Variants in IGF2BP2 observed in about 807,000 individuals in gnomAD.
IGF2BP2 encodes the protein insulin like growth factor 2 mRNA binding protein 2.
A neutral mutation model predicts 75.8 loss-of-function variants in IGF2BP2; 17 were observed. That is an observed-to-expected ratio of 0.22 (90% CI 0.15 to 0.34). The LOEUF (loss-of-function observed/expected upper bound fraction) is 0.34. Among genes scored for constraint, IGF2BP2 ranks in the 10% least tolerant of loss-of-function variants. The pLI is 1.00. For synonymous variants in IGF2BP2, 288 were observed against 295.6 expected (o/e 0.97, Z 0.26); for missense variants, 516 against 772.4 (o/e 0.67, Z 3.93).
intron 2 of IGF2BP2, among the ~76,000 whole-genome samples, chr3:185,715,816 T>C (rs1725525882): frequency 6.6e-6 from 1 of 152,116 alleles, no homozygotes; most frequent in African/African-American, 2.4e-5. Flanking sequence ...GCTAATTTTT[T>C]TGTATTTTTA....
chr3:185,722,271 A>G (rs1726687727), intron 2 of IGF2BP2: 1 of 456,222 alleles, frequency 2.2e-6, no homozygotes. Context: ...GGTGAAACTG[A>G]GGCACAAAAA....
At chr3:185,799,252 C>T (rs113149084) in intron 2 of IGF2BP2, among the ~76,000 whole-genome samples, 210 of 152,070 alleles carry the variant, frequency 1.4e-3, no homozygotes, top group African/African-American at 4.9e-3. Context: ...CAAAAATAAG[C>T]CAAGGTGTGG....
chr3:185,778,570 A>T (rs986691090), intron 2 of IGF2BP2, among the ~76,000 whole-genome samples: 1 of 152,202 alleles, frequency 6.6e-6, no homozygotes, highest in Non-Finnish European at 1.5e-5. Flanking sequence ...AAGTTGCTTC[A>T]ACATGCAAGT....
chr3:185,824,682 A>AGCC, intron 1 of IGF2BP2, 101 bp downstream of exon 1: 1 of 895,924 alleles, frequency 1.1e-6, no homozygotes, highest in Non-Finnish European at 1.5e-6. Flanking sequence ...CGGGCGCGGG[A>AGCC]GCCGCCGCCG....
intron 15 of IGF2BP2, among the ~76,000 whole-genome samples, chr3:185,646,201 G>C (rs542250486): frequency 6.6e-6 from 1 of 152,304 alleles, no homozygotes; most frequent in Non-Finnish European, 1.5e-5. Flanking sequence ...GGAGACAGCA[G>C]ACAGGGGCGT....
chr3:185,679,873 C>G (rs1181024805), intron 7 of IGF2BP2, among the ~76,000 whole-genome samples: 2 of 152,168 alleles, frequency 1.3e-5, no homozygotes, highest in African/African-American at 2.4e-5. Flanking sequence ...CTCGGCCTCC[C>G]AAAGTGTTGG....
intron 2 of IGF2BP2, among the ~76,000 whole-genome samples, chr3:185,748,162 C>T (rs1458577816): frequency 6.6e-6 from 1 of 152,222 alleles, no homozygotes; most frequent in East Asian, 1.9e-4. Flanking sequence ...CCTCAGCCTC[C>T]CAAAGTGCTG....
At chr3:185,806,036 T>G (rs77684813) in intron 2 of IGF2BP2, among the ~76,000 whole-genome samples, 2,851 of 151,994 alleles carry the variant, frequency 0.019, 96 homozygotes, top group African/African-American at 0.065. Context: ...CAGCCTGATC[T>G]CAGGTGATCC....
Position 185,665,005 on chromosome 3 carries a change from G to A in IGF2BP2, c.1201-6596C>T, listed in dbSNP as rs77811046. 2.8e-3 allele frequency among the ~76,000 whole-genome samples: 422 copies of A among 149,792 alleles called. 2 individuals are homozygous for A. Among genetic ancestry groups the A allele is most frequent in the Non-Finnish European group, 3.5e-3 (236 of 66,562 alleles). On this transcript the variant is annotated intron_variant, in intron 10 of 15. Transcript: ENST00000382199. ...AAAGGCAAAAAAACTTATAGATACC[G>A]GGGGGGAAAAACAGACAGGCGTGTT...
chr3:185,716,162 T>C (rs993200024), intron 2 of IGF2BP2, among the ~76,000 whole-genome samples: 1 of 151,602 alleles, frequency 6.6e-6, no homozygotes, highest in African/African-American at 2.4e-5. Context: ...TTGAATAACA[T>C]GATTAAAAAA....
rs543473534 is a variant in IGF2BP2 at position 185,683,885 on chromosome 3, G to A, written c.812+3172C>T. Among the ~76,000 whole-genome samples the A allele has an allele frequency of 6.6e-5, 10 of 152,290 alleles. No individual in the cohort carries two copies. The South Asian group carries it at 1.7e-3, about 25-fold the overall frequency. On this transcript the variant is annotated intron_variant, in intron 7 of 15. Transcript: ENST00000382199. ...CCAAGGGAACGTGAGACATGCTGAGGAACGTAGAGCAGAAAAATGTTCTGG... is the reference window on the plus strand; with the variant it reads ...CCAAGGGAACGTGAGACATGCTGAGAAACGTAGAGCAGAAAAATGTTCTGG...
chr3:185,817,727 G>A (rs1740792176), intron 2 of IGF2BP2, among the ~76,000 whole-genome samples: 1 of 152,112 alleles, frequency 6.6e-6, no homozygotes. Flanking sequence ...TTCATTGGTA[G>A]GTGTTTGCTG....
At chr3:185,708,107 C>A (rs995251521) in intron 2 of IGF2BP2, among the ~76,000 whole-genome samples, 4 of 152,082 alleles carry the variant, frequency 2.6e-5, no homozygotes, top group Non-Finnish European at 5.9e-5. Flanking sequence ...TGTTGTTATT[C>A]CCATTTTTCA....
chr3:185,743,948 T>C (rs1729908928), intron 2 of IGF2BP2, among the ~76,000 whole-genome samples: 1 of 152,160 alleles, frequency 6.6e-6, no homozygotes, highest in African/African-American at 2.4e-5. Context: ...TCTCCCAGTG[T>C]CTAAGTCTAC....
chr3:185,741,136 G>T (rs1729500177), intron 2 of IGF2BP2, among the ~76,000 whole-genome samples: 1 of 152,306 alleles, frequency 6.6e-6, no homozygotes, highest in East Asian at 1.9e-4. Flanking sequence ...GCCTCCCAAA[G>T]TGCTGGGATT....
chr3:185,796,771 G>C (rs1560484653), intron 2 of IGF2BP2, among the ~76,000 whole-genome samples: 1 of 152,118 alleles, frequency 6.6e-6, no homozygotes, highest in Non-Finnish European at 1.5e-5. Flanking sequence ...GTGAACTTCT[G>C]TTTACTTTGT....
At chr3:185,722,893 C>T (rs1310690096) in intron 2 of IGF2BP2, among the ~76,000 whole-genome samples, 1 of 152,086 alleles carries the variant, frequency 6.6e-6, no homozygotes, top group African/African-American at 2.4e-5. Context: ...AATTGAGTTA[C>T]AAGAACCCAC....
chr3:185,668,102 A>G (rs1577891723), intron 10 of IGF2BP2, among the ~76,000 whole-genome samples: 1 of 152,326 alleles, frequency 6.6e-6, no homozygotes, highest in Middle Eastern at 3.4e-3. Context: ...TATCTTCAAG[A>G]TATGCCTGTA....
chr3:185,785,801 A>T (rs1254534968), intron 2 of IGF2BP2, among the ~76,000 whole-genome samples: 4 of 152,244 alleles, frequency 2.6e-5, no homozygotes, highest in Admixed American at 2.6e-4. Context: ...TAACAAAGGG[A>T]GACCCGCCTC....
Sources: gnomAD v4.1 joint callset for allele counts (sites outside exome capture counted in the v4.1 genomes callset) on GRCh38, gnomAD v4.1.1 for gene constraint, MANE v1.5 for transcripts, NCBI Gene and HGNC (gene_info 2026-07-23, HGNC 2026-07-21) for gene names.